Variants in CDH12 observed in about 807,000 individuals in gnomAD.
CDH12 encodes the protein cadherin-12.
A neutral mutation model predicts 74.1 loss-of-function variants in CDH12; 41 were observed. The ratio of observed to expected loss-of-function variants is 0.55; its 90% CI spans 0.43 to 0.72. The LOEUF (loss-of-function observed/expected upper bound fraction) is 0.72, where lower values mean the gene tolerates loss of function less well. Among genes scored for constraint, CDH12 ranks in the 30% least tolerant of loss-of-function variants. CDH12 has a pLI of 0.00. For synonymous variants in CDH12, 399 were observed against 355.0 expected (o/e 1.12, Z -1.39); for missense variants, 945 against 977.2 (o/e 0.97, Z 0.44).
chr5:21,802,175 A>C lies in CDH12; in HGVS notation c.1248T>G (p.Ser416Arg). 6.2e-7 allele frequency: 1 copy of C among 1,613,250 alleles called. No homozygotes were observed. The highest frequency in any genetic ancestry group is 2.2e-5 in the East Asian group (1 of 44,736). ...ATGTTTCTTTTTCTCACCTAACAGC[A>C]CTGCTGCCTACATCCAGGTCTTGAG... is the stretch of plus-strand genomic sequence containing the variant. ...VTAQDLDVGS[S>R]AVRYFIDWKS... The change falls in exon 10 of 15, where the codon AGT (serine) becomes AGG (arginine). Residue 416 changes from serine to arginine, a missense_variant. Around this residue, in one of 3 missense-constraint regions of CDH12, gnomAD observed 791 missense variants for 792.8 expected, o/e 1.00. Coordinates refer to ENST00000382254, the MANE Select transcript of CDH12 (RefSeq NM_004061.5).
intron 1 of CDH12, among the ~76,000 whole-genome samples, chr5:22,631,018 C>T (rs1443840248): frequency 2.6e-5 from 4 of 152,052 alleles, no homozygotes; most frequent in Non-Finnish European, 1.5e-5. Flanking sequence ...TACATGCAGA[C>T]ATCGAGCATA....
chr5:22,477,694 G>A (rs1746221056), intron 2 of CDH12, among the ~76,000 whole-genome samples: 1 of 152,050 alleles, frequency 6.6e-6, no homozygotes, highest in Non-Finnish European at 1.5e-5. Context: ...TCTTCATACA[G>A]TTAATAACAC....
At chr5:22,519,058 AAGAC>A (rs749292184) in intron 1 of CDH12, among the ~76,000 whole-genome samples, 1 of 152,096 alleles carries the variant, frequency 6.6e-6, no homozygotes, top group Non-Finnish European at 1.5e-5. Flanking sequence ...CCACCAGAGA[AAGAC>A]AGAAGATTTT....
chr5:22,033,024 A>G (rs1284672491), intron 5 of CDH12, among the ~76,000 whole-genome samples: 1 of 141,784 alleles, frequency 7.1e-6, no homozygotes, highest in Non-Finnish European at 1.5e-5. Context: ...GGCTATATAA[A>G]CATCTTGCTT....
intron 4 of CDH12, among the ~76,000 whole-genome samples, chr5:22,116,144 A>T (rs755720691): frequency 1.1e-4 from 17 of 152,234 alleles, no homozygotes; most frequent in African/African-American, 4.1e-4. Flanking sequence ...ACCTAATCAC[A>T]TGAGCCCTTA....
intron 2 of CDH12, among the ~76,000 whole-genome samples, chr5:22,478,261 A>T (rs1488695743): frequency 6.6e-6 from 1 of 151,832 alleles, no homozygotes; most frequent in Non-Finnish European, 1.5e-5. Flanking sequence ...TACTAAATAT[A>T]CAAAAAATAA....
chr5:22,316,889 G>T (rs896530807), intron 3 of CDH12, among the ~76,000 whole-genome samples: 1 of 152,002 alleles, frequency 6.6e-6, no homozygotes, highest in African/African-American at 2.4e-5. Context: ...TTTTCCCTCT[G>T]CTCTAGGATG....
rs1017858969 is a variant in CDH12 at position 22,381,687 on chromosome 5, A to C, written c.-333+23570T>G. ...TATAATACTCTATATCATGGTTCTT[A>C]GTTTTGGATGCATAATGAATTTAGG... On this transcript the variant is annotated intron_variant, in intron 3 of 14. Coordinates refer to ENST00000382254, the MANE Select transcript of CDH12 (RefSeq NM_004061.5). Among the ~76,000 whole-genome samples, 32 of 152,054 alleles carry C rather than the reference A, an allele frequency of 2.1e-4. 1 individual carries two copies. The South Asian group carries it at 5.2e-3, about 25-fold the overall frequency.
At chr5:22,789,687 C>T (rs949389224) in intron 1 of CDH12, among the ~76,000 whole-genome samples, 3 of 151,780 alleles carry the variant, frequency 2.0e-5, no homozygotes, top group African/African-American at 7.3e-5. Context: ...GGCTAGGTTT[C>T]CTGGTTGATA....
At chr5:22,375,787 A>AAAAC (rs566131003) in intron 3 of CDH12, among the ~76,000 whole-genome samples, 3 of 152,090 alleles carry the variant, frequency 2.0e-5, no homozygotes, top group African/African-American at 4.8e-5. Flanking sequence ...GAAAAGACAA[A>AAAAC]AAACAAACAA....
intron 3 of CDH12, among the ~76,000 whole-genome samples, chr5:22,218,910 A>G (rs1751915493): frequency 6.6e-6 from 1 of 151,758 alleles, no homozygotes; most frequent in Admixed American, 6.6e-5. Context: ...CACCTACTTT[A>G]TATTTCTAAC....
At chr5:22,741,372 AT>A (rs1407073070) in intron 1 of CDH12, among the ~76,000 whole-genome samples, 4 of 152,210 alleles carry the variant, frequency 2.6e-5, no homozygotes, top group African/African-American at 9.6e-5. Flanking sequence ...TGAAACAAGT[AT>A]GCTATTTCCC....
Position 21,883,150 on chromosome 5 carries a change from C to T in CDH12, c.527-28360G>A, listed in dbSNP as rs1274185852. The T allele has an allele frequency of 7.3e-5, 111 of 1,528,692 alleles. No individual in the cohort carries two copies. The Middle Eastern group carries it at 1.7e-3, about 23-fold the overall frequency. The allele number at this position is 1,528,692 out of a possible 1,614,324, so 94.7% of individuals were successfully genotyped here. The stretch of plus-strand genomic sequence containing the variant: ...GACAAAGAAATTGGCAATATCATCT[C>T]TGATGCAATGAAAAAGGTTGGAAGA... On this transcript the variant is annotated intron_variant, in intron 6 of 14. Transcript: ENST00000382254.
chr5:22,687,265 GC>G (rs1386894854), intron 1 of CDH12, among the ~76,000 whole-genome samples: 2 of 151,756 alleles, frequency 1.3e-5, no homozygotes, highest in African/African-American at 4.8e-5. Context: ...CTGTACTGCA[GC>G]CTGGCAATAG....
chr5:22,050,264 T>G (rs954469737), intron 5 of CDH12, among the ~76,000 whole-genome samples: 18 of 152,208 alleles, frequency 1.2e-4, no homozygotes, highest in Middle Eastern at 3.4e-3. Context: ...CCACCTATCT[T>G]CCCAACTCCC....
Position 22,035,693 on chromosome 5 carries a change from CT to C in CDH12, c.231+42752del, listed in dbSNP as rs1239740685. 1.4e-5 allele frequency among the ~76,000 whole-genome samples: 2 copies of C among 143,530 alleles called. 1 individual carries two copies. The highest frequency in any genetic ancestry group is 4.2e-4 in the East Asian group (2 of 4,814). The allele number at this position is 143,530 out of a possible 152,430, so 94.2% of individuals were successfully genotyped here. ...ACTTTTATGAAGAGGTTTACTTCTT[CT>C]TTTTTTACACTTCACACATACACAC... On this transcript the variant is annotated intron_variant, in intron 5 of 14. Coordinates refer to ENST00000382254, the MANE Select transcript of CDH12 (RefSeq NM_004061.5).
intron 8 of CDH12, among the ~76,000 whole-genome samples, chr5:21,838,248 A>T (rs1317308090): frequency 6.6e-6 from 1 of 152,184 alleles, no homozygotes; most frequent in Non-Finnish European, 1.5e-5. Flanking sequence ...TTCTTGACAC[A>T]TATGTAAATG....
In CDH12 at chr5:22,491,483, T is replaced by C. The variant is rs148056951; in HGVS notation, c.-428+13787A>G. On this transcript the variant is annotated intron_variant, in intron 2 of 14. Transcript: ENST00000382254. ...ATCTATTAGTTAACTAGGATTGCCA[T>C]AATAACATATCAAAGACTAGATGGC... 2.5e-3 allele frequency among the ~76,000 whole-genome samples: 382 copies of C among 151,972 alleles called. 2 individuals carry two copies. Among genetic ancestry groups the C allele is most frequent in the African/African-American group, 8.6e-3 (356 of 41,460 alleles).
At chr5:22,436,852 G>T (rs1303455031) in intron 2 of CDH12, among the ~76,000 whole-genome samples, 1 of 152,104 alleles carries the variant, frequency 6.6e-6, no homozygotes, top group African/African-American at 2.4e-5. Flanking sequence ...TGTGAGCAAT[G>T]ATTACTCAGC....
Sources: allele counts gnomAD v4.1 joint callset (sites outside exome capture counted in the v4.1 genomes callset), GRCh38; gene constraint gnomAD v4.1.1; regional missense constraint gnomAD v4.1.1; transcripts MANE v1.5; gene names NCBI Gene and HGNC (gene_info 2026-07-23, HGNC 2026-07-21).